Variants in ATP8A2 observed in about 807,000 individuals in gnomAD.
ATP8A2 encodes phospholipid-transporting ATPase IB.
In ATP8A2, 100 loss-of-function variants were observed where a neutral mutation model predicts 165.6. That is an observed-to-expected ratio of 0.60 (90% CI 0.51 to 0.71). The LOEUF (loss-of-function observed/expected upper bound fraction) is 0.71. ATP8A2 is among the 30% of genes least tolerant of loss of function. ATP8A2 has a pLI of 0.00. For missense variants in ATP8A2, 1,227 were observed against 1,479.5 expected (o/e 0.83, Z 2.80); for synonymous variants, 543 against 548.8 (o/e 0.99, Z 0.15).
chr13:25,839,047 TAAAACAA>T, intron 29 of ATP8A2, among the ~76,000 whole-genome samples: 1 of 152,304 alleles, frequency 6.6e-6, no homozygotes, highest in South Asian at 2.1e-4. Context: ...TTTGAAGTAG[TAAAACAA>T]AAGAGTGAGA....
intron 24 of ATP8A2, 152 bp downstream of exon 24, chr13:25,589,851 G>T (rs1219782107): frequency 1.8e-6 from 1 of 544,158 alleles, no homozygotes; most frequent in Non-Finnish European, 3.3e-6. Context: ...TTTAAGAATG[G>T]ATGTCAGAAA....
At chr13:25,645,772 G>A (rs1195122567) in intron 24 of ATP8A2, among the ~76,000 whole-genome samples, 1 of 152,102 alleles carries the variant, frequency 6.6e-6, no homozygotes, top group Non-Finnish European at 1.5e-5. Flanking sequence ...ATTGTAGTCA[G>A]AAAAGGTGCT....
At chr13:25,433,089 G>T (rs1182518796) in intron 1 of ATP8A2, among the ~76,000 whole-genome samples, 1 of 152,136 alleles carries the variant, frequency 6.6e-6, no homozygotes, top group Non-Finnish European at 1.5e-5. Context: ...TTGCTGCAAG[G>T]TCTGTCTGCA....
At chr13:25,885,629 A>G (rs965983440) in intron 33 of ATP8A2, among the ~76,000 whole-genome samples, 1 of 152,180 alleles carries the variant, frequency 6.6e-6, no homozygotes, top group Non-Finnish European at 1.5e-5. Context: ...AACCAGAGAA[A>G]TTGCAGTGTC....
rs112829843 is a variant in ATP8A2 at position 25,932,048 on chromosome 13, CAAAA to C, written c.3184-29516_3184-29513del. Among the ~76,000 whole-genome samples, 320 of 125,216 alleles carry C rather than the reference CAAAA, an allele frequency of 2.6e-3. 2 individuals are homozygous for C. Among genetic ancestry groups the C allele is most frequent in the African/African-American group, 9.2e-3 (317 of 34,380 alleles). 82.1% of individuals were successfully genotyped at this position (125,216 alleles called of 152,430 possible). ...GGGTGACAAGAGTGAAACTCCATCT[CAAAA>C]AAAAAAAAAAGAAAGAAAGAAAGGG... On this transcript the variant is annotated intron_variant, in intron 33 of 36. Coordinates refer to ENST00000381655, the MANE Select transcript of ATP8A2 (RefSeq NM_016529.6).
intron 1 of ATP8A2, among the ~76,000 whole-genome samples, chr13:25,390,924 CAA>C (rs201934356): frequency 0.01 from 1,164 of 116,160 alleles, 14 homozygotes; most frequent in African/African-American, 0.033. Flanking sequence ...GACTCCGTCT[CAA>C]AAAAAAAAAA....
chr13:25,861,425 T>C (rs1386430542), intron 32 of ATP8A2, among the ~76,000 whole-genome samples: 1 of 152,238 alleles, frequency 6.6e-6, no homozygotes, highest in Non-Finnish European at 1.5e-5. Flanking sequence ...ACCATTTACT[T>C]CATCACTCTC....
intron 24 of ATP8A2, among the ~76,000 whole-genome samples, chr13:25,633,937 CTG>C (rs1444052569): frequency 6.6e-6 from 1 of 151,084 alleles, no homozygotes; most frequent in African/African-American, 2.4e-5. Context: ...GATCGTGACA[CTG>C]TACTCCAGCC....
intron 23 of ATP8A2, among the ~76,000 whole-genome samples, chr13:25,588,284 T>A (rs2039978168): frequency 6.6e-6 from 1 of 152,234 alleles, no homozygotes; most frequent in Non-Finnish European, 1.5e-5. Context: ...TACTGTTTCC[T>A]TCAACCCCTT....
intron 24 of ATP8A2, among the ~76,000 whole-genome samples, chr13:25,602,265 G>A (rs1481595568): frequency 5.3e-5 from 8 of 152,176 alleles, no homozygotes; most frequent in Non-Finnish European, 1.0e-4. Context: ...TTAGGGTTCT[G>A]TAGTAAGTGT....
intron 2 of ATP8A2, among the ~76,000 whole-genome samples, chr13:25,513,661 G>A (rs1272809544): frequency 2.0e-5 from 3 of 152,070 alleles, no homozygotes; most frequent in Non-Finnish European, 4.4e-5. Flanking sequence ...CTCCAGCCTG[G>A]GCACCATTGA....
chr13:25,747,657 T>A (rs1277672117), intron 25 of ATP8A2, among the ~76,000 whole-genome samples: 1 of 152,114 alleles, frequency 6.6e-6, no homozygotes, highest in Non-Finnish European at 1.5e-5. Context: ...GGGAGGGGTT[T>A]GTTTAGGGAA....
intron 16 of ATP8A2, among the ~76,000 whole-genome samples, chr13:25,569,009 ATTC>A (rs2138166555): frequency 6.6e-6 from 1 of 152,264 alleles, no homozygotes; most frequent in Admixed American, 6.5e-5. Context: ...TGTGTGTGCA[ATTC>A]TTTATAACTC....
At chr13:25,860,572 T>C (rs1952317981) in intron 31 of ATP8A2, among the ~76,000 whole-genome samples, 1 of 152,202 alleles carries the variant, frequency 6.6e-6, no homozygotes, top group Non-Finnish European at 1.5e-5. Flanking sequence ...AGGGCAAAAC[T>C]ATTATTTATG....
At chr13:25,433,607 C>T (rs1481159013) in intron 1 of ATP8A2, among the ~76,000 whole-genome samples, 1 of 152,158 alleles carries the variant, frequency 6.6e-6, no homozygotes, top group Non-Finnish European at 1.5e-5. Context: ...TTTGTATACA[C>T]GGAAGTGAGT....
chr13:25,984,192 G>A (rs925598454), intron 35 of ATP8A2, among the ~76,000 whole-genome samples: 9 of 151,776 alleles, frequency 5.9e-5, no homozygotes, highest in Admixed American at 2.0e-4. Flanking sequence ...AGCTGTGATC[G>A]CACCACTGCA....
chr13:25,663,443 T>C (rs2042090687), intron 24 of ATP8A2, among the ~76,000 whole-genome samples: 1 of 152,210 alleles, frequency 6.6e-6, no homozygotes, highest in East Asian at 1.9e-4. Context: ...TAAAATGAAC[T>C]AGAGTACAAA....
At chr13:25,675,432 C>A (rs2042352413) in intron 24 of ATP8A2, among the ~76,000 whole-genome samples, 2 of 152,308 alleles carry the variant, frequency 1.3e-5, no homozygotes, top group African/African-American at 2.4e-5. Context: ...CAGACAGAAT[C>A]AAATCAGGCC....
chr13:25,523,236 C>T (rs1020900906), intron 2 of ATP8A2, among the ~76,000 whole-genome samples: 29 of 151,040 alleles, frequency 1.9e-4, no homozygotes, highest in African/African-American at 5.6e-4. Context: ...GGAAGTATTC[C>T]GTGATCTTCA....
Sources: allele counts gnomAD v4.1 joint callset (sites outside exome capture counted in the v4.1 genomes callset), GRCh38; gene constraint gnomAD v4.1.1; transcripts MANE v1.5; gene names NCBI Gene and HGNC (gene_info 2026-07-23, HGNC 2026-07-21).